The following OPLAH variants were observed in gnomAD, a reference collection of about 807,000 sequenced individuals.
OPLAH encodes the protein 5-oxoprolinase.
Under a neutral mutation model 122.8 loss-of-function variants are expected in OPLAH, and 103 were observed. The observed-to-expected ratio is 0.84, with a 90% CI of 0.71 to 0.99. The LOEUF (loss-of-function observed/expected upper bound fraction) is 0.99, where lower values mean the gene tolerates loss of function less well. OPLAH is among the 50% of genes least tolerant of loss of function. The pLI, the probability that OPLAH is intolerant of heterozygous loss-of-function variation, is 0.00. For missense variants in OPLAH, 1,902 were observed against 1,836.5 expected (o/e 1.04, Z -0.65); for synonymous variants, 875 against 796.0 (o/e 1.10, Z -1.67).
rs782264034 is a variant in OPLAH at position 144,051,446 on chromosome 8, G to T, written c.3747C>A (p.Gly1249=). The change falls in exon 27 of 27, where the codon GGC becomes GGA. Residue 1249 remains glycine (G), a synonymous_variant. Transcript: ENST00000618853. ...PGDVFCLHTP[G]GGGYGDPEDP... The stretch of plus-strand genomic sequence containing the variant: ...CCTCCGGGTCCCCATAGCCACCGCC[G>T]CCGGGCGTGTGGAGACAGAACACAT... 12 of 1,550,566 alleles carry T rather than the reference G, an allele frequency of 7.7e-6. No individual in the cohort carries two copies. The highest frequency in any genetic ancestry group is 6.3e-5 in the Admixed American group (3 of 47,554).
chr8:144,055,901 G>C lies in OPLAH; in HGVS notation c.2135C>G (p.Thr712Ser), dbSNP rs782590250. ...LVEPGCQAEV[T>S]KTGDICISVG... Reference sequence around the variant, plus strand: ...GGAGATGCAGATGTCCCCTGTCTTGGTCACCTCTGCCTGGCAACCTGGCTC... The same window carrying C: ...GGAGATGCAGATGTCCCCTGTCTTGCTCACCTCTGCCTGGCAACCTGGCTC... Residue 712 changes from threonine to serine, a missense_variant, in exon 16 of 27, where the codon ACC (threonine) becomes AGC (serine). Coordinates refer to ENST00000618853, the MANE Select transcript of OPLAH (RefSeq NM_017570.5). The surrounding 1 kb of genome is among the most constrained non-coding windows in gnomAD (Gnocchi z 6.5). 1.3e-6 allele frequency: 2 copies of C among 1,587,992 alleles called. No individual in the cohort carries two copies. The highest frequency in any genetic ancestry group is 2.3e-5 in the East Asian group (1 of 43,644).
In OPLAH at chr8:144,051,426, G is replaced by C; in HGVS notation, c.3767C>G (p.Pro1256Arg). 6.3e-7 allele frequency: 1 copy of C among 1,585,114 alleles called. No individual in the cohort carries two copies. Among genetic ancestry groups the C allele is most frequent in the Non-Finnish European group, 8.5e-7 (1 of 1,169,984 alleles). Residue 1256 changes from proline (P) to arginine (R), a missense_variant, in exon 27 of 27, where the codon CCG becomes CGG. Transcript: ENST00000618853. The stretch of plus-strand genomic sequence containing the variant: ...CCCCGGCGGTGGGGCGGGGTCCTCC[G>C]GGTCCCCATAGCCACCGCCGCCGGG... ...HTPGGGGYGDPEDPAPPPGSP... is the reference protein window; with the variant it reads ...HTPGGGGYGDREDPAPPPGSP...
Position 144,059,785 on chromosome 8 carries a change from G to A in OPLAH, c.177C>T (p.Ala59=), listed in dbSNP as rs782271677. 6.2e-6 allele frequency: 10 copies of A among 1,607,448 alleles called. No homozygotes were observed. Among genetic ancestry groups the A allele is most frequent in the South Asian group, 4.4e-5 (4 of 90,958 alleles). Residue 59 remains alanine, a synonymous_variant, in exon 3 of 27, where the codon GCC becomes GCT. Transcript: ENST00000618853. The part of the protein sequence containing the change: ...EGIRRILEQE[A]GMLLPRDQPL... ...GCTGGTCCCGGGGCAGGAGCATGCC[G>A]GCCTCCTGGGGACCACGTGGTCAGT...
chr8:144,063,394 G>C (rs1394865405), upstream of OPLAH, among the ~76,000 whole-genome samples: 1 of 152,222 alleles, frequency 6.6e-6, no homozygotes, highest in Non-Finnish European at 1.5e-5. This position sits in a 1 kb window ranked among gnomAD's most constrained non-coding sequence, Gnocchi z 4.2. Flanking sequence ...CCCACCACCA[G>C]AGAGCGCAGG....
chr8:144,056,288 C>T lies in OPLAH; in HGVS notation c.1984-29G>A, dbSNP rs1554759045. On this transcript the variant is annotated intron_variant, in intron 14 of 26. Coordinates refer to ENST00000618853, the MANE Select transcript of OPLAH (RefSeq NM_017570.5). Reference sequence around the variant, plus strand: ...CAGAGGGTGCGGGTGAGTACAGCGCCCGGGCCCAGCACCCTCCCCGATGCC... The same window carrying T: ...CAGAGGGTGCGGGTGAGTACAGCGCTCGGGCCCAGCACCCTCCCCGATGCC... 1.9e-6 allele frequency: 3 copies of T among 1,601,774 alleles called. No homozygotes were observed. The South Asian group carries it at 3.3e-5, about 18-fold the overall frequency.
In OPLAH at chr8:144,059,839, C is replaced by T. The variant is rs781852284; in HGVS notation, c.171+23G>A. On this transcript the variant is annotated intron_variant, in intron 2 of 26. Coordinates refer to ENST00000618853, the MANE Select transcript of OPLAH (RefSeq NM_017570.5). ...GGGCTTCTGGCCGTGGGGTCCCTGTCCACCCGCTCCGCCCTGGCCCACCTG... is the reference window on the plus strand; with the variant it reads ...GGGCTTCTGGCCGTGGGGTCCCTGTTCACCCGCTCCGCCCTGGCCCACCTG... The T allele has an allele frequency of 1.5e-5, 24 of 1,611,892 alleles. No individual in the cohort carries two copies. In the South Asian group the frequency reaches 2.5e-4, roughly 17 times the overall value.
At position 144,058,698 on chromosome 8, in the gene OPLAH, CA is replaced by C; in HGVS notation, c.588-8del. The C allele has an allele frequency of 1.3e-6, 2 of 1,583,898 alleles. No homozygotes were observed. Among genetic ancestry groups the C allele is most frequent in the Non-Finnish European group, 1.7e-6 (2 of 1,164,566 alleles). On this transcript the variant is annotated splice_region_variant and splice_polypyrimidine_tract_variant and intron_variant, in intron 5 of 26. Coordinates refer to ENST00000618853, the MANE Select transcript of OPLAH (RefSeq NM_017570.5). ...CTGCTCATGCTGGGCCCACCTATGA[CA>C]AAAACCCAGTGGCACCTCGTCTCCC...
rs905883006 is a variant in OPLAH, at chr8:144,052,522, C to G, written c.3230G>C (p.Gly1077Ala). 4 of 1,586,014 alleles carry G rather than the reference C, an allele frequency of 2.5e-6. No individual in the cohort carries two copies. Among genetic ancestry groups the G allele is most frequent in the Middle Eastern group, 1.7e-4 (1 of 6,020 alleles). The change falls in exon 23 of 27, where the codon GGC becomes GCC. Residue 1077 changes from glycine (G) to alanine (A), a missense_variant. Gly to Ala is a moderately conservative substitution (Grantham distance 60). Transcript: ENST00000618853. Reference protein sequence around the residue: ...LDPSPEAAVVGGNVLTSQRVV... With the variant: ...LDPSPEAAVVAGNVLTSQRVV... Reference sequence around the variant, plus strand: ...GCGCTGCGACGTGAGCACGTTGCCGCCCACCACCGCCGCCTCGGGCGACGG... The same window carrying G: ...GCGCTGCGACGTGAGCACGTTGCCGGCCACCACCGCCGCCTCGGGCGACGG...
chr8:144,054,317 G>A (rs1264572990), intron 19 of OPLAH, among the ~76,000 whole-genome samples: 3 of 152,116 alleles, frequency 2.0e-5, no homozygotes, highest in African/African-American at 4.8e-5. Context: ...GACCCTCCAC[G>A]TCTTGGCTAA....
rs960314312 is a variant in OPLAH at position 144,051,917 on chromosome 8, G to A, written c.3621C>T (p.His1207=). The A allele has an allele frequency of 7.2e-6, 11 of 1,532,584 alleles. No individual in the cohort carries two copies. The highest frequency in any genetic ancestry group is 2.0e-5 in the Admixed American group (1 of 50,908). 94.9% of individuals were successfully genotyped at this position (1,532,584 alleles called of 1,614,324 possible). A position where few individuals can be genotyped will look rare whatever the true frequency, so the allele number is the denominator to read the frequency against. Residue 1207 remains histidine, a splice_region_variant and synonymous_variant, in exon 25 of 27, where the codon CAC becomes CAT. Coordinates refer to ENST00000618853, the MANE Select transcript of OPLAH (RefSeq NM_017570.5). ...ERRAFRPYGL[H]GGEPGARGLN... The stretch of plus-strand genomic sequence containing the variant: ...CGCGAGGGCTGGGGAACCGCGCACC[G>A]TGGAGCCCGTATGGCCGGAAGGCGC...
At position 144,056,279 on chromosome 8, in the gene OPLAH, G is replaced by A; in HGVS notation, c.1984-20C>T. ...GGTCATCTGCAGAGGGTGCGGGTGA[G>A]TACAGCGCCCGGGCCCAGCACCCTC... On this transcript the variant is annotated intron_variant, in intron 14 of 26. Coordinates refer to ENST00000618853, the MANE Select transcript of OPLAH (RefSeq NM_017570.5). 6 of 1,604,044 alleles carry A rather than the reference G, an allele frequency of 3.7e-6. No individual in the cohort carries two copies. Among genetic ancestry groups the A allele is most frequent in the Non-Finnish European group, 5.1e-6 (6 of 1,172,748 alleles).
In OPLAH at chr8:144,055,874, A is replaced by G; in HGVS notation, c.2162T>C (p.Val721Ala). 1 of 1,583,346 alleles carries G rather than the reference A, an allele frequency of 6.3e-7. No individual in the cohort carries two copies. The highest frequency in any genetic ancestry group is 8.6e-7 in the Non-Finnish European group (1 of 1,165,220). Residue 721 changes from valine (V) to alanine (A), a missense_variant, in exon 16 of 27, where the codon GTG (valine) becomes GCG (alanine). By Grantham distance (64) the Val-to-Ala change is moderately conservative. This residue lies in a region of OPLAH where 1,726 missense variants were observed against 1,642.1 expected (regional missense o/e 1.05). Transcript: ENST00000618853. The surrounding 1 kb of genome is among the most constrained non-coding windows in gnomAD (Gnocchi z 6.5). ...VTKTGDICIS[V>A]GAEVPGTVGP... ...CACTGTGCCGGGGACTTCGGCCCCC[A>G]CGGAGATGCAGATGTCCCCTGTCTT...
chr8:144,056,535 G>T lies in OPLAH; in HGVS notation c.1845-12C>A, dbSNP rs781981293. ...ACTCCCTCATGTACCTGCACTCCCC[G>T]CGGGGACCCAAGGAGTGGTCAGAGT... On this transcript the variant is annotated splice_polypyrimidine_tract_variant and intron_variant, in intron 13 of 26. Transcript: ENST00000618853. The T allele has an allele frequency of 2.4e-5, 38 of 1,612,058 alleles. No homozygotes were observed. The African/African-American group carries it at 2.5e-4, about 11-fold the overall frequency.
Position 144,059,650 on chromosome 8 carries a change from GA to G in OPLAH, c.311del (p.Phe104SerfsTer50), listed in dbSNP as rs781803575. ...GGGTGCCAATGTGCAGCAGGTCTCGGAAGCCACGTGTCACCAGCAGCGCCAC... is the reference window on the plus strand; with the variant it reads ...GGGTGCCAATGTGCAGCAGGTCTCGGAGCCACGTGTCACCAGCAGCGCCAC... ...ERVALLVTRG[F>X]RDLLHIGTQA... is the part of the protein sequence containing the mutation. On this transcript the variant is annotated frameshift_variant, in exon 3 of 27. Coordinates refer to ENST00000618853, the MANE Select transcript of OPLAH (RefSeq NM_017570.5). LOFTEE classifies it high-confidence loss of function. The G allele has an allele frequency of 6.2e-7, 1 of 1,612,488 alleles. No individual in the cohort carries two copies. The highest frequency in any genetic ancestry group is 2.2e-5 in the East Asian group (1 of 44,884).
Position 144,053,460 on chromosome 8 carries a change from A to T in OPLAH, c.2687-67T>A, listed in dbSNP as rs569394599. 102 of 1,479,172 alleles carry T rather than the reference A, an allele frequency of 6.9e-5. No homozygotes were observed. In the African/African-American group the frequency reaches 1.3e-3, roughly 19 times the overall value. The allele number at this position is 1,479,172 out of a possible 1,614,324, so 91.6% of individuals were successfully genotyped here. On this transcript the variant is annotated intron_variant, in intron 19 of 26. Transcript: ENST00000618853. ...TCTGCACCCCCAACCCAGGTTTCCC[A>T]GATCCAGACAAGGTCTCTGGCCCCT...
At chr8:144,062,895 C>T (rs1213907125), upstream of OPLAH, among the ~76,000 whole-genome samples, 7 of 151,976 alleles carry the variant, frequency 4.6e-5, no homozygotes, top group Non-Finnish European at 1.0e-4. Flanking sequence ...CCTCCCCCAC[C>T]TCCGCCTGCC....
chr8:144,055,866 C>T lies in OPLAH; in HGVS notation c.2170G>A (p.Glu724Lys), dbSNP rs782238849. The change falls in exon 16 of 27, where the codon GAA becomes AAA. Residue 724 changes from glutamate (E) to lysine (K), a missense_variant. Physicochemically the swap from Glu to Lys is moderately conservative, Grantham distance 56. Coordinates refer to ENST00000618853, the MANE Select transcript of OPLAH (RefSeq NM_017570.5). This position sits in a 1 kb window ranked among gnomAD's most constrained non-coding sequence, Gnocchi z 6.5. The part of the protein sequence containing the change: ...TGDICISVGA[E>K]VPGTVGPQLD... ...TGGGGGCCCACTGTGCCGGGGACTT[C>T]GGCCCCCACGGAGATGCAGATGTCC... is the stretch of plus-strand genomic sequence containing the variant. 23 of 1,579,888 alleles carry T rather than the reference C, an allele frequency of 1.5e-5. No homozygotes were observed. The highest frequency in any genetic ancestry group is 1.7e-4 in the Middle Eastern group (1 of 6,028).
chr8:144,057,090 G>A lies in OPLAH; in HGVS notation c.1564C>T (p.Leu522=). ...TCATGCACCACGTCAGCCAGGGCCA[G>A]CCCCAGGGCCGACAGCAGCCCACTG... ...RHSGLLSALG[L]ALADVVHEAQ... is the part of the protein sequence containing the mutation. The change falls in exon 12 of 27, where the codon CTG becomes TTG. Residue 522 remains leucine, a synonymous_variant. Transcript: ENST00000618853. 6.2e-7 allele frequency: 1 copy of A among 1,602,272 alleles called. No individual in the cohort carries two copies. The highest frequency in any genetic ancestry group is 1.3e-5 in the African/African-American group (1 of 74,946).
intron 12 of OPLAH, 77 bp downstream of exon 12, chr8:144,056,871 G>C (rs1554759338): frequency 6.6e-6 from 10 of 1,514,958 alleles, no homozygotes; most frequent in Non-Finnish European, 8.0e-6. Flanking sequence ...CACCTGGGAA[G>C]TCATCAGGAG....
Sources: allele counts gnomAD v4.1 joint callset (sites outside exome capture counted in the v4.1 genomes callset), GRCh38; gene constraint gnomAD v4.1.1; regional missense constraint gnomAD v4.1.1; non-coding constraint Gnocchi (gnomAD v3.1); transcripts MANE v1.5; gene names NCBI Gene and HGNC (gene_info 2026-07-23, HGNC 2026-07-21).